PRUNE2: variants seen among roughly 807,000 people sequenced by gnomAD.
The protein encoded by PRUNE2 is protein prune homolog 2.
PRUNE2 carries 164 observed loss-of-function variants against 252.0 expected under a neutral mutation model. The ratio of observed to expected loss-of-function variants is 0.65; its 90% CI spans 0.57 to 0.74. The LOEUF is 0.74. Ranked by LOEUF, PRUNE2 falls within the 30% of genes least tolerant of loss-of-function variation. PRUNE2 has a pLI of 0.00. For synonymous variants in PRUNE2, 1,292 were observed against 1,350.2 expected (o/e 0.96, Z 0.94); for missense variants, 3,495 against 3,711.0 (o/e 0.94, Z 1.51).
rs547816334 is a variant in PRUNE2, at chr9:76,861,853, T to C, written c.37-7645A>G. ...TGACGATGGCTTCAAAGGACAGTTTTGGAAGCAGCACCATTATTTTTCTTC... is the reference window on the plus strand; with the variant it reads ...TGACGATGGCTTCAAAGGACAGTTTCGGAAGCAGCACCATTATTTTTCTTC... On this transcript the variant is annotated intron_variant, in intron 1 of 18. Coordinates refer to ENST00000376718, the MANE Select transcript of PRUNE2 (RefSeq NM_015225.3). Among the ~76,000 whole-genome samples, 3 of 152,062 alleles carry C rather than the reference T, an allele frequency of 2.0e-5. 1 individual carries two copies. The South Asian group carries it at 6.2e-4, about 32-fold the overall frequency.
chr9:76,771,180 T>C (rs2053062613), intron 6 of PRUNE2, among the ~76,000 whole-genome samples: 1 of 152,214 alleles, frequency 6.6e-6, no homozygotes, highest in Non-Finnish European at 1.5e-5. Context: ...ATATAAATTA[T>C]ATTCCCATGT....
At chr9:76,856,702 C>T in intron 1 of PRUNE2, 1 of 199,588 alleles carries the variant, frequency 5.0e-6, no homozygotes, top group South Asian at 9.1e-5. Flanking sequence ...CATAGCATAC[C>T]CCACTGCAAA....
At chr9:76,630,322 A>C (rs1156692319) in intron 15 of PRUNE2, among the ~76,000 whole-genome samples, 1 of 151,652 alleles carries the variant, frequency 6.6e-6, no homozygotes, top group African/African-American at 2.4e-5. Flanking sequence ...ACATTCAAAA[A>C]TATGTTCCAA....
intron 6 of PRUNE2, among the ~76,000 whole-genome samples, chr9:76,811,554 T>C (rs933099123): frequency 2.0e-5 from 3 of 152,148 alleles, no homozygotes; most frequent in African/African-American, 7.2e-5. Context: ...AGCTTGTTTC[T>C]CAGAAAGCCA....
chr9:76,776,240 T>C (rs1589159121), intron 6 of PRUNE2, among the ~76,000 whole-genome samples: 2 of 152,192 alleles, frequency 1.3e-5, no homozygotes, highest in Admixed American at 6.5e-5. Flanking sequence ...ATCACCTGAA[T>C]AGCAGACATT....
rs1162840073 is a variant in PRUNE2, at chr9:76,707,153, G to C, written c.5121C>G (p.Cys1707Trp). ...CTCTGGATTCATCCTCAGCAACGTGGCAGTTGGCCACCTGGATCTCTTCCT... is the reference window on the plus strand; with the variant it reads ...CTCTGGATTCATCCTCAGCAACGTGCCAGTTGGCCACCTGGATCTCTTCCT... ...SIEEEIQVAN[C>W]HVAEDESRAW... The change falls in exon 8 of 19, where the codon TGC (cysteine) becomes TGG (tryptophan). Residue 1707 changes from cysteine (C) to tryptophan (W), a missense_variant. Coordinates refer to ENST00000376718, the MANE Select transcript of PRUNE2 (RefSeq NM_015225.3). 6.2e-7 allele frequency: 1 copy of C among 1,613,892 alleles called. No homozygotes were observed. The highest frequency in any genetic ancestry group is 2.2e-5 in the East Asian group (1 of 44,876).
intron 1 of PRUNE2, among the ~76,000 whole-genome samples, chr9:76,895,585 C>G (rs937326383): frequency 6.6e-6 from 1 of 152,154 alleles, no homozygotes; most frequent in Admixed American, 6.5e-5. Context: ...ATGCACCACA[C>G]CTTTCTTCTT....
chr9:76,780,470 G>T (rs2054254017), intron 6 of PRUNE2, among the ~76,000 whole-genome samples: 1 of 152,010 alleles, frequency 6.6e-6, no homozygotes, highest in African/African-American at 2.4e-5. Flanking sequence ...GGCGGATCAC[G>T]AGGCCAGGAG....
At chr9:76,738,746 G>A (rs1353623902) in intron 6 of PRUNE2, 1 of 152,204 alleles carries the variant, frequency 6.6e-6, no homozygotes, top group Non-Finnish European at 1.5e-5. Flanking sequence ...TATGCTCAGA[G>A]ACATCATGGC....
At chr9:76,671,081 G>A (rs893442181) in intron 9 of PRUNE2, among the ~76,000 whole-genome samples, 3 of 152,132 alleles carry the variant, frequency 2.0e-5, no homozygotes, top group African/African-American at 4.8e-5. Context: ...GAGAGAAGAA[G>A]GCTTCAGACA....
At chr9:76,630,739 GA>G (rs1837253157) in intron 15 of PRUNE2, among the ~76,000 whole-genome samples, 1 of 152,154 alleles carries the variant, frequency 6.6e-6, no homozygotes, top group Non-Finnish European at 1.5e-5. Flanking sequence ...TGTTAGCCAG[GA>G]TGGTCTCCAT....
At chr9:76,713,389 A>AG (rs1170996992) in intron 7 of PRUNE2, among the ~76,000 whole-genome samples, 174 bp downstream of exon 7, 1 of 152,218 alleles carries the variant, frequency 6.6e-6, no homozygotes, top group African/African-American at 2.4e-5. Flanking sequence ...GGGCTTTCTT[A>AG]AAAGGCCAAA....
chr9:76,883,346 G>A (rs909079630), intron 1 of PRUNE2, among the ~76,000 whole-genome samples: 10 of 152,288 alleles, frequency 6.6e-5, no homozygotes, highest in Middle Eastern at 3.4e-3. Flanking sequence ...GAATTAATAA[G>A]CTGAGGGATT....
intron 12 of PRUNE2, chr9:76,642,109 A>C: frequency 1.4e-6 from 1 of 719,140 alleles, no homozygotes; most frequent in Non-Finnish European, 2.2e-6. Flanking sequence ...AAGTTCAAAA[A>C]AAAAGCCAGT....
chr9:76,884,051 G>C (rs2061946404), intron 1 of PRUNE2, among the ~76,000 whole-genome samples: 1 of 152,128 alleles, frequency 6.6e-6, no homozygotes, highest in South Asian at 2.1e-4. Context: ...TGTTCCAGGG[G>C]CTTTGGTCTC....
chr9:76,686,798 A>G (rs1007125767), intron 9 of PRUNE2, among the ~76,000 whole-genome samples: 1 of 152,098 alleles, frequency 6.6e-6, no homozygotes, highest in African/African-American at 2.4e-5. Context: ...GTGTCTCACT[A>G]TGTTGCCTAG....
At chr9:76,736,397 G>C (rs1442616267) in intron 6 of PRUNE2, 2 of 152,206 alleles carry the variant, frequency 1.3e-5, no homozygotes, top group Non-Finnish European at 2.9e-5. Context: ...AAAATGAACA[G>C]AAGGTAAATA....
chr9:76,844,562 G>T (rs12685440), intron 4 of PRUNE2, among the ~76,000 whole-genome samples: 57,574 of 151,884 alleles, frequency 0.38, 13,876 homozygotes, highest in African/African-American at 0.69. Context: ...GACTAATATA[G>T]TCCTTCTTGC....
chr9:76,872,525 G>A (rs2061266999), intron 1 of PRUNE2, among the ~76,000 whole-genome samples: 1 of 150,974 alleles, frequency 6.6e-6, no homozygotes, highest in Non-Finnish European at 1.5e-5. Flanking sequence ...AGGCTGAAAA[G>A]TAGCAGGAGC....
Sources: allele counts gnomAD v4.1 joint callset (sites outside exome capture counted in the v4.1 genomes callset), GRCh38; gene constraint gnomAD v4.1.1; transcripts MANE v1.5; gene names NCBI Gene and HGNC (gene_info 2026-07-23, HGNC 2026-07-21).